GCNT1: variants seen among roughly 807,000 people sequenced by gnomAD.
The protein encoded by GCNT1 is beta-1,3-galactosyl-O-glycosyl-glycoprotein beta-1,6-N-acetylglucosaminyltransferase.
A neutral mutation model predicts 26.2 loss-of-function variants in GCNT1; 16 were observed. That is an observed-to-expected ratio of 0.61 (90% CI 0.41 to 0.93). The LOEUF is 0.93. GCNT1 is among the 40% of genes least tolerant of loss of function. GCNT1 has a pLI of 0.00. For synonymous variants in GCNT1, 183 were observed against 190.8 expected, an observed-to-expected ratio of 0.96 and a Z score of 0.34; for missense variants, 477 against 526.7, an observed-to-expected ratio of 0.91 and a Z score of 0.92.
the GCNT1 span, among the ~76,000 whole-genome samples, chr9:76,398,201 C>T: frequency 6.6e-6 from 1 of 152,064 alleles, no homozygotes; most frequent in African/African-American, 2.4e-5. Context: ...GAAAAGAAGG[C>T]TTATTCTAAG....
the GCNT1 span, among the ~76,000 whole-genome samples, chr9:76,406,587 G>A: frequency 6.6e-6 from 1 of 152,098 alleles, no homozygotes; most frequent in African/African-American, 2.4e-5. Flanking sequence ...TGTAGTCCCA[G>A]CTACTCAGGA....
chr9:76,483,078 A>G (rs1028750324), intron 2 of GCNT1, among the ~76,000 whole-genome samples: 2 of 152,210 alleles, frequency 1.3e-5, no homozygotes, highest in African/African-American at 4.8e-5. Context: ...ATGTAATAAT[A>G]GTATCTTACA....
chr9:76,403,390 G>A, the GCNT1 span, among the ~76,000 whole-genome samples: 1 of 152,032 alleles, frequency 6.6e-6, no homozygotes, highest in African/African-American at 2.4e-5. Flanking sequence ...GTATTACAGG[G>A]GAAAAACTAT....
intron 2 of GCNT1, among the ~76,000 whole-genome samples, chr9:76,463,590 A>C (rs1799680919): frequency 6.6e-6 from 1 of 152,230 alleles, no homozygotes; most frequent in South Asian, 2.1e-4. Context: ...AGGTAGCCAA[A>C]TGTTTGTTCA....
intron 2 of GCNT1, among the ~76,000 whole-genome samples, chr9:76,480,544 C>T (rs1329335803): frequency 1.3e-5 from 2 of 152,090 alleles, no homozygotes; most frequent in African/African-American, 4.8e-5. Context: ...ATCTTTCCTG[C>T]AAAGTCAATA....
chr9:76,466,682 AG>A (rs1824003447), intron 2 of GCNT1, among the ~76,000 whole-genome samples: 1 of 152,198 alleles, frequency 6.6e-6, no homozygotes, highest in Non-Finnish European at 1.5e-5. Flanking sequence ...GTTTTCAGAG[AG>A]GGTGAGAACA....
chr9:76,483,958 G>A (rs72747354), intron 2 of GCNT1, among the ~76,000 whole-genome samples: 5,620 of 152,262 alleles, frequency 0.037, 124 homozygotes, highest in Middle Eastern at 0.051. Flanking sequence ...GGGATCGTAA[G>A]TGTGTGCCAC....
At chr9:76,498,791 G>GA in intron 2 of GCNT1, among the ~76,000 whole-genome samples, 1 of 139,792 alleles carries the variant, frequency 7.2e-6, no homozygotes, top group Middle Eastern at 3.4e-3. Context: ...AAAAAAAAAA[G>GA]AAAAAAAGTG....
intron 2 of GCNT1, among the ~76,000 whole-genome samples, chr9:76,489,683 G>C (rs10869783): frequency 0.22 from 32,819 of 152,038 alleles, 4,783 homozygotes; most frequent in East Asian, 0.58. Flanking sequence ...CCTCTAGCTA[G>C]ACAGAAAAGT....
Position 76,502,997 on chromosome 9 carries a change from A to G in GCNT1, c.616A>G (p.Met206Val). Reference sequence around the variant, plus strand: ...CAACTGCATGAAGGATCTCTATGCAATGAGTGCAAACTGGAAGTACTTGAT... The same window carrying G: ...CAACTGCATGAAGGATCTCTATGCAGTGAGTGCAAACTGGAAGTACTTGAT... ...DLNCMKDLYA[M>V]SANWKYLINL... is the part of the protein sequence containing the mutation. The change falls in exon 4 of 4, where the codon ATG becomes GTG. Residue 206 changes from methionine (M) to valine (V), a missense_variant. Physicochemically the swap from Met to Val is conservative, Grantham distance 21. Coordinates refer to ENST00000376730, the MANE Select transcript of GCNT1 (RefSeq NM_001490.5). The G allele has an allele frequency of 6.2e-7, 1 of 1,613,546 alleles. No homozygotes were observed.
At chr9:76,475,482 T>G (rs1445053770) in intron 2 of GCNT1, among the ~76,000 whole-genome samples, 1 of 152,200 alleles carries the variant, frequency 6.6e-6, no homozygotes, top group African/African-American at 2.4e-5. Flanking sequence ...CTGCCCTACA[T>G]TTTTTGGGAG....
At chr9:76,480,096 A>G (rs1255834620) in intron 2 of GCNT1, among the ~76,000 whole-genome samples, 2 of 152,162 alleles carry the variant, frequency 1.3e-5, no homozygotes, top group African/African-American at 4.8e-5. Flanking sequence ...TCCCAGCACT[A>G]TTTGTTAAAT....
chr9:76,491,069 C>T (rs1824721059), intron 2 of GCNT1, among the ~76,000 whole-genome samples: 1 of 152,198 alleles, frequency 6.6e-6, no homozygotes, highest in Non-Finnish European at 1.5e-5. Flanking sequence ...GAATAGATTA[C>T]ACTTTTTTCT....
intron 1 of GCNT1, among the ~76,000 whole-genome samples, chr9:76,435,863 G>A (rs866920326): frequency 3.3e-5 from 5 of 151,724 alleles, no homozygotes; most frequent in Non-Finnish European, 5.9e-5. Flanking sequence ...TTTTCACACA[G>A]TGAAGGGTCT....
chr9:76,434,848 C>A (rs1391446839), intron 1 of GCNT1, among the ~76,000 whole-genome samples: 1 of 152,122 alleles, frequency 6.6e-6, no homozygotes, highest in East Asian at 1.9e-4. Flanking sequence ...GGTCTATAAA[C>A]AGCCACTCTG....
the GCNT1 span, among the ~76,000 whole-genome samples, chr9:76,395,875 C>G: frequency 6.6e-6 from 1 of 152,144 alleles, no homozygotes; most frequent in Non-Finnish European, 1.5e-5. Context: ...TCTTGACTCC[C>G]GTCCTTAATA....
intron 2 of GCNT1, among the ~76,000 whole-genome samples, chr9:76,475,710 T>C (rs1027797986): frequency 1.3e-5 from 2 of 152,104 alleles, no homozygotes; most frequent in African/African-American, 4.8e-5. Context: ...ATAATTCCTG[T>C]TTATTGAGCA....
chr9:76,465,004 T>C (rs1823961618), intron 2 of GCNT1, among the ~76,000 whole-genome samples: 1 of 151,304 alleles, frequency 6.6e-6, no homozygotes, highest in African/African-American at 2.4e-5. Context: ...GAGACAGTCT[T>C]GCTATGTTGC....
At chr9:76,399,077 CCCAGGGCTGACCA>C in the GCNT1 span, 1 of 1,595,476 alleles carries the variant, frequency 6.3e-7, no homozygotes, top group Non-Finnish European at 8.5e-7. Flanking sequence ...GGTTACTGAC[CCCAGGGCTGACCA>C]CCAGCCTCTC....
Sources: gnomAD v4.1 joint callset for allele counts (sites outside exome capture counted in the v4.1 genomes callset) on GRCh38, gnomAD v4.1.1 for gene constraint, MANE v1.5 for transcripts, NCBI Gene and HGNC (gene_info 2026-07-23, HGNC 2026-07-21) for gene names.